SLC44A5: variants seen among roughly 807,000 people sequenced by gnomAD.
SLC44A5 encodes solute carrier family 44 member 5, also known as choline transporter-like protein 5.
Under a neutral mutation model 101.8 loss-of-function variants are expected in SLC44A5, and 57 were observed. The observed-to-expected ratio is 0.56, with a 90% CI of 0.45 to 0.70. SLC44A5 has a LOEUF of 0.70. Among genes scored for constraint, SLC44A5 ranks in the 30% least tolerant of loss-of-function variants. SLC44A5 has a pLI of 0.00. For missense variants in SLC44A5, 737 were observed against 853.1 expected, an observed-to-expected ratio of 0.86 and a Z score of 1.70; for synonymous variants, 281 against 290.9, an observed-to-expected ratio of 0.97 and a Z score of 0.35.
intron 2 of SLC44A5, among the ~76,000 whole-genome samples, chr1:75,438,605 C>T (rs533123812): frequency 6.6e-6 from 1 of 152,154 alleles, no homozygotes; most frequent in East Asian, 1.9e-4. Context: ...AAGCTTTAGG[C>T]AGCTGCAAGA....
At chr1:75,659,626 CCAAA>C in the SLC44A5 span, among the ~76,000 whole-genome samples, 3 of 35,796 alleles carry the variant, frequency 8.4e-5, no homozygotes, top group African/African-American at 2.3e-4. Context: ...CCCATCTCTA[CCAAA>C]AAAAAAAAAA....
Position 75,421,797 on chromosome 1 carries a change from C to A in SLC44A5, c.14-25176G>T, listed in dbSNP as rs532162236. Among the ~76,000 whole-genome samples, 3 of 151,050 alleles carry A rather than the reference C, an allele frequency of 2.0e-5. No homozygotes were observed. The East Asian group carries it at 5.8e-4, about 29-fold the overall frequency. On this transcript the variant is annotated intron_variant, in intron 2 of 23. Coordinates refer to ENST00000370859, the MANE Select transcript of SLC44A5 (RefSeq NM_001130058.2). The stretch of plus-strand genomic sequence containing the variant: ...GCTTTTGTTATATAATACAAACTTA[C>A]AATTCATAAAAGCTTATGGAATAAG...
chr1:75,308,618 A>AATGCC lies in SLC44A5; in HGVS notation c.102-7934_102-7933insGGCAT, dbSNP rs1182953231. Among the ~76,000 whole-genome samples the AATGCC allele has an allele frequency of 1.5e-3, 222 of 152,346 alleles. 1 individual carries two copies. The highest frequency in any genetic ancestry group is 5.1e-3 in the African/African-American group (214 of 41,574). The stretch of plus-strand genomic sequence containing the variant: ...TTATATTACAGGTGGGGCATTGTAG[A>AATGCC]CCAAAGGCACTACACAGCAGGGTGC... On this transcript the variant is annotated intron_variant, in intron 4 of 23. Transcript: ENST00000370859.
the SLC44A5 span, among the ~76,000 whole-genome samples, chr1:75,722,461 C>T: frequency 2.1e-4 from 32 of 152,286 alleles, no homozygotes; most frequent in Admixed American, 1.4e-3. Flanking sequence ...AGAACGTTGG[C>T]GAACTGACAA....
chr1:75,615,287 C>T (rs1675820185), upstream of SLC44A5, among the ~76,000 whole-genome samples: 1 of 151,958 alleles, frequency 6.6e-6, no homozygotes. Context: ...CAGCCAGCTC[C>T]AATCTCCTCC....
chr1:75,208,557 A>G (rs1646793568), intron 23 of SLC44A5, among the ~76,000 whole-genome samples: 1 of 152,186 alleles, frequency 6.6e-6, no homozygotes, highest in African/African-American at 2.4e-5. Flanking sequence ...ACAGTGTATG[A>G]TAAGTGCTTA....
chr1:75,537,632 G>A (rs1570560739), intron 2 of SLC44A5, among the ~76,000 whole-genome samples: 1 of 152,182 alleles, frequency 6.6e-6, no homozygotes, highest in East Asian at 1.9e-4. Context: ...GTGTCCACTA[G>A]TTATCAGCAG....
At chr1:75,220,706 C>T (rs899147770) in intron 14 of SLC44A5, among the ~76,000 whole-genome samples, 1 of 152,088 alleles carries the variant, frequency 6.6e-6, no homozygotes, top group African/African-American at 2.4e-5. Flanking sequence ...ATCTTTTCAG[C>T]ATATGACACT....
At chr1:75,506,296 C>T (rs1475962610) in intron 2 of SLC44A5, among the ~76,000 whole-genome samples, 5 of 152,074 alleles carry the variant, frequency 3.3e-5, no homozygotes, top group African/African-American at 4.8e-5. Flanking sequence ...ATGCCTCAAG[C>T]TTTGTTCTTT....
At chr1:75,541,986 T>A (rs979111491) in intron 1 of SLC44A5, among the ~76,000 whole-genome samples, 2 of 152,154 alleles carry the variant, frequency 1.3e-5, no homozygotes, top group Non-Finnish European at 2.9e-5. Flanking sequence ...GAGGGGTTTT[T>A]TAAATGGTAT....
At chr1:75,530,386 G>A (rs1431147382) in intron 2 of SLC44A5, among the ~76,000 whole-genome samples, 1 of 152,138 alleles carries the variant, frequency 6.6e-6, no homozygotes, top group Non-Finnish European at 1.5e-5. Context: ...TAATTTATTA[G>A]TAAGTGTAAT....
intron 2 of SLC44A5, among the ~76,000 whole-genome samples, chr1:75,415,673 G>A (rs933346080): frequency 4.6e-5 from 7 of 152,326 alleles, no homozygotes; most frequent in African/African-American, 1.7e-4. Context: ...CTAGAGATTT[G>A]TTGAATGGCT....
intron 1 of SLC44A5, among the ~76,000 whole-genome samples, chr1:75,586,729 C>T (rs931818143): frequency 6.6e-6 from 1 of 151,956 alleles, no homozygotes; most frequent in African/African-American, 2.4e-5. Flanking sequence ...ACTAATAGGG[C>T]ATTACTTGCT....
rs780026751 is a variant in SLC44A5, at chr1:75,222,465, G to C, written c.986-5C>G. ...CAATGATGCAGAGTATTATCACTTT[G>C]AACAGGAAAAAAAAAATCAGTCTGT... On this transcript the variant is annotated splice_region_variant and splice_polypyrimidine_tract_variant and intron_variant, in intron 13 of 23. Transcript: ENST00000370859. The C allele has an allele frequency of 6.3e-6, 10 of 1,578,342 alleles. No homozygotes were observed. Among genetic ancestry groups the C allele is most frequent in the Non-Finnish European group, 8.7e-6 (10 of 1,153,568 alleles).
chr1:75,295,135 G>C (rs1653864166), intron 5 of SLC44A5, among the ~76,000 whole-genome samples: 1 of 152,158 alleles, frequency 6.6e-6, no homozygotes, highest in Non-Finnish European at 1.5e-5. Context: ...TAAAATACCA[G>C]GTTGTACACC....
intron 1 of SLC44A5, among the ~76,000 whole-genome samples, chr1:75,558,685 A>G (rs2102001589): frequency 6.6e-6 from 1 of 152,222 alleles, no homozygotes; most frequent in African/African-American, 2.4e-5. Context: ...CAACTTTGCG[A>G]TATTTTGATG....
At chr1:75,570,806 A>G (rs1570639875) in intron 1 of SLC44A5, among the ~76,000 whole-genome samples, 1 of 152,192 alleles carries the variant, frequency 6.6e-6, no homozygotes, top group East Asian at 1.9e-4. Context: ...AATGTGGGCT[A>G]TCTTCTCTGA....
At chr1:75,445,704 T>G (rs944214753) in intron 2 of SLC44A5, among the ~76,000 whole-genome samples, 1 of 151,970 alleles carries the variant, frequency 6.6e-6, no homozygotes, top group Non-Finnish European at 1.5e-5. Context: ...ACCATCAACA[T>G]GGTAAGGACT....
At chr1:75,497,460 A>C (rs947156175) in intron 2 of SLC44A5, among the ~76,000 whole-genome samples, 1 of 152,100 alleles carries the variant, frequency 6.6e-6, no homozygotes, top group Non-Finnish European at 1.5e-5. Context: ...AGAGAGTACA[A>C]TGGTGATTTC....
Sources: allele counts gnomAD v4.1 joint callset (sites outside exome capture counted in the v4.1 genomes callset), GRCh38; gene constraint gnomAD v4.1.1; transcripts MANE v1.5; gene names NCBI Gene and HGNC (gene_info 2026-07-23, HGNC 2026-07-21).